Variants in MYCBP2 observed in about 807,000 individuals in gnomAD.
MYCBP2 encodes the protein MYC binding protein 2.
A neutral mutation model predicts 525.3 loss-of-function variants in MYCBP2; 120 were observed. That is an observed-to-expected ratio of 0.23 (90% CI 0.20 to 0.27). The LOEUF is 0.27. Ranked by LOEUF, MYCBP2 falls within the 10% of genes least tolerant of loss-of-function variation. The pLI is 1.00. For synonymous variants in MYCBP2, 1,894 were observed against 1,955.8 expected, an observed-to-expected ratio of 0.97 and a Z score of 0.83; for missense variants, 4,149 against 5,657.1, an observed-to-expected ratio of 0.73 and a Z score of 8.55.
chr13:77,245,492 AAACT>A (rs1213078140), intron 15 of MYCBP2, among the ~76,000 whole-genome samples: 1 of 152,042 alleles, frequency 6.6e-6, no homozygotes, highest in Non-Finnish European at 1.5e-5. Context: ...CATTCTCAGC[AAACT>A]AACCCAGGAA....
Position 77,056,142 on chromosome 13 carries a change from G to A in MYCBP2, c.13438-375C>T, listed in dbSNP as rs1192867727. 3.4e-5 allele frequency among the ~76,000 whole-genome samples: 5 copies of A among 148,308 alleles called. 1 individual carries two copies. The highest frequency in any genetic ancestry group is 4.9e-5 in the African/African-American group (2 of 41,062). On this transcript the variant is annotated intron_variant, in intron 79 of 82. Coordinates refer to ENST00000544440, the MANE Select transcript of MYCBP2 (RefSeq NM_015057.5). Reference sequence around the variant, plus strand: ...TGTGTGTGTGTGTGTGTGTGTGTGTGTGTGTGTGTGTGTGTGTTTTGCTTC... The same window carrying A: ...TGTGTGTGTGTGTGTGTGTGTGTGTATGTGTGTGTGTGTGTGTTTTGCTTC...
intron 3 of MYCBP2, among the ~76,000 whole-genome samples, chr13:77,282,240 A>G (rs1316584520): frequency 6.6e-6 from 1 of 151,982 alleles, no homozygotes; most frequent in African/African-American, 2.4e-5. Context: ...GTGAAACCCC[A>G]TCTCTACTAA....
intron 2 of MYCBP2, among the ~76,000 whole-genome samples, chr13:77,291,943 T>C (rs997356950): frequency 2.0e-5 from 3 of 152,206 alleles, no homozygotes; most frequent in East Asian, 1.9e-4. Flanking sequence ...TAGTGATTGA[T>C]GATTGTGTTA....
intron 8 of MYCBP2, among the ~76,000 whole-genome samples, chr13:77,266,766 A>C (rs1026088056): frequency 5.4e-5 from 8 of 149,456 alleles, no homozygotes; most frequent in Non-Finnish European, 8.9e-5. Context: ...AAAAAAAAAA[A>C]AACCCTGTAG....
intron 14 of MYCBP2, among the ~76,000 whole-genome samples, chr13:77,254,115 A>T (rs999618948): frequency 1.3e-5 from 2 of 151,912 alleles, no homozygotes; most frequent in Non-Finnish European, 2.9e-5. Flanking sequence ...AATGATGAGA[A>T]AAAAAAATTT....
Position 77,140,102 on chromosome 13 carries a change from T to G in MYCBP2, c.7463A>C (p.Gln2488Pro). ...GLRIRSHPSL[Q>P]SEQIGIVKVN... ...TTTCACTATGCCTATCTGCTCACTC[T>G]GAAGGGAAGGGTGGCTACGGATGCG... The change falls in exon 51 of 83, where the codon CAG becomes CCG. Residue 2488 changes from glutamine to proline, a missense_variant. This residue lies in a region of MYCBP2 where 692 missense variants were observed against 852.7 expected (regional missense o/e 0.81). Transcript: ENST00000544440. 6.2e-7 allele frequency: 1 copy of G among 1,613,398 alleles called. No individual in the cohort carries two copies. The highest frequency in any genetic ancestry group is 8.5e-7 in the Non-Finnish European group (1 of 1,179,832).
At chr13:77,268,055 C>A in intron 7 of MYCBP2, 118 bp from the exon 8 acceptor site, 2 of 605,024 alleles carry the variant, frequency 3.3e-6, no homozygotes, top group South Asian at 2.1e-5. Context: ...ATATTGATGT[C>A]TAAAAGATAT....
At chr13:77,141,790 T>G (rs1030125877) in intron 49 of MYCBP2, among the ~76,000 whole-genome samples, 21 of 146,652 alleles carry the variant, frequency 1.4e-4, no homozygotes, top group Middle Eastern at 3.5e-3. Flanking sequence ...AAAAAAAAAG[T>G]ATACATAGAG....
At chr13:77,107,076 A>C (rs1046679080) in intron 55 of MYCBP2, among the ~76,000 whole-genome samples, 1 of 152,162 alleles carries the variant, frequency 6.6e-6, no homozygotes, top group South Asian at 2.1e-4. Flanking sequence ...TGTCACAAAC[A>C]ATAAGATTTT....
At chr13:77,178,575 T>C (rs2059932494) in intron 34 of MYCBP2, among the ~76,000 whole-genome samples, 1 of 152,258 alleles carries the variant, frequency 6.6e-6, no homozygotes, top group Non-Finnish European at 1.5e-5. Flanking sequence ...AGACTTTCAC[T>C]AGAGAGAATT....
At chr13:77,175,346 C>CA (rs1265275596) in intron 36 of MYCBP2, among the ~76,000 whole-genome samples, 1 of 151,562 alleles carries the variant, frequency 6.6e-6, no homozygotes, top group Admixed American at 6.6e-5. Context: ...AAGAAAAACT[C>CA]AGAGATAGAA....
At chr13:77,198,315 T>C (rs1332159662) in intron 26 of MYCBP2, among the ~76,000 whole-genome samples, 1 of 152,276 alleles carries the variant, frequency 6.6e-6, no homozygotes, top group African/African-American at 2.4e-5. Context: ...TTTTTTAGCA[T>C]GTATTCCAAC....
chr13:77,227,806 A>G (rs1265669487), intron 18 of MYCBP2, among the ~76,000 whole-genome samples: 5 of 152,194 alleles, frequency 3.3e-5, no homozygotes, highest in Non-Finnish European at 7.4e-5. Flanking sequence ...CAATAGAGAC[A>G]TAGCATCAAG....
intron 1 of MYCBP2, among the ~76,000 whole-genome samples, chr13:77,300,237 A>G (rs2078629415): frequency 6.6e-6 from 1 of 152,202 alleles, no homozygotes; most frequent in Admixed American, 6.5e-5. Context: ...GAAATAAAAA[A>G]TTCCTGAGCC....
chr13:77,116,014 A>G (rs2049686121), intron 55 of MYCBP2, among the ~76,000 whole-genome samples: 1 of 151,848 alleles, frequency 6.6e-6, no homozygotes, highest in African/African-American at 2.4e-5. Context: ...CTTTGTAGTC[A>G]ACAGAATTGA....
At chr13:77,313,948 A>C (rs959319077) in intron 1 of MYCBP2, among the ~76,000 whole-genome samples, 1 of 152,122 alleles carries the variant, frequency 6.6e-6, no homozygotes, top group African/African-American at 2.4e-5. Context: ...AAAAAAAAAA[A>C]CGAGATTCTA....
At position 77,176,492 on chromosome 13, in the gene MYCBP2, AC is replaced by A. The variant is rs1489960548; in HGVS notation, c.5472+4del. On this transcript the variant is annotated splice_donor_region_variant and intron_variant, in intron 36 of 82. Transcript: ENST00000544440. Reference sequence around the variant, plus strand: ...TTCACAATAGAAACATTCAGTTGAAACTACCTTTAAAGGAACCACTTTGTCA... The same window carrying A: ...TTCACAATAGAAACATTCAGTTGAAATACCTTTAAAGGAACCACTTTGTCA... 1 of 1,573,890 alleles carries A rather than the reference AC, an allele frequency of 6.4e-7. No homozygotes were observed. Among genetic ancestry groups the A allele is most frequent in the African/African-American group, 1.3e-5 (1 of 74,388 alleles).
chr13:77,098,032 T>A lies in MYCBP2; in HGVS notation c.9122A>T (p.His3041Leu). Residue 3041 changes from histidine (H) to leucine (L), a missense_variant, in exon 56 of 83, where the codon CAT becomes CTT. Physicochemically the swap from His to Leu is moderately conservative, Grantham distance 99. Transcript: ENST00000544440. Reference sequence around the variant, plus strand: ...CATTGCATCATGTACTATGCCTTCATGCCAGAGGAAGGAAGCAAACACAGC... The same window carrying A: ...CATTGCATCATGTACTATGCCTTCAAGCCAGAGGAAGGAAGCAAACACAGC... Reference protein sequence around the residue: ...ARAVFASFLWHEGIVHDAMAC... With the variant: ...ARAVFASFLWLEGIVHDAMAC... 1.2e-6 allele frequency: 2 copies of A among 1,613,680 alleles called. No individual in the cohort carries two copies. Among genetic ancestry groups the A allele is most frequent in the Non-Finnish European group, 1.7e-6 (2 of 1,179,816 alleles).
chr13:77,240,847 C>T (rs1308782059), intron 17 of MYCBP2, among the ~76,000 whole-genome samples: 1 of 152,002 alleles, frequency 6.6e-6, no homozygotes, highest in Non-Finnish European at 1.5e-5. Context: ...AGATTCCACT[C>T]AAGAAAAGAT....
Sources: allele counts gnomAD v4.1 joint callset (sites outside exome capture counted in the v4.1 genomes callset), GRCh38; gene constraint gnomAD v4.1.1; regional missense constraint gnomAD v4.1.1; transcripts MANE v1.5; gene names NCBI Gene and HGNC (gene_info 2026-07-23, HGNC 2026-07-21).